The following TMEM87A variants were observed in gnomAD, a reference collection of about 807,000 sequenced individuals.
TMEM87A encodes Golgi-pH regulating cation channel.
In TMEM87A, 50 loss-of-function variants were observed where a neutral mutation model predicts 90.0. That is an observed-to-expected ratio of 0.56 (90% CI 0.44 to 0.70). TMEM87A has a LOEUF of 0.70. TMEM87A is among the 30% of genes least tolerant of loss of function. TMEM87A has a pLI of 0.00. For synonymous variants in TMEM87A, 226 were observed against 226.7 expected, an observed-to-expected ratio of 1.00 and a Z score of 0.03; for missense variants, 577 against 660.5, an observed-to-expected ratio of 0.87 and a Z score of 1.39.
chr15:42,243,210 G>C (rs994476029), intron 7 of TMEM87A, among the ~76,000 whole-genome samples: 1 of 151,934 alleles, frequency 6.6e-6, no homozygotes, highest in East Asian at 1.9e-4. Context: ...GGAGCTTGCA[G>C]TGAGCCGAGA....
intron 2 of TMEM87A, among the ~76,000 whole-genome samples, chr15:42,269,632 T>C (rs2051473233): frequency 1.3e-5 from 2 of 152,204 alleles, no homozygotes; most frequent in South Asian, 4.1e-4. Flanking sequence ...GAACTTTAAA[T>C]GAAAGGCTTT....
At chr15:42,228,631 T>C (rs1712417) in intron 13 of TMEM87A, 81 bp downstream of exon 13, 1,152,621 of 1,177,028 alleles carry the variant, frequency 0.98, 565,563 homozygotes, top group Non-Finnish European at 1. Flanking sequence ...ACTTTCTATG[T>C]CCACCCATGG....
chr15:42,228,631 T>A (rs1712417), intron 13 of TMEM87A, 81 bp downstream of exon 13: 2 of 1,177,118 alleles, frequency 1.7e-6, no homozygotes, highest in Non-Finnish European at 2.5e-6. Flanking sequence ...ACTTTCTATG[T>A]CCACCCATGG....
At chr15:42,258,657 C>A in intron 6 of TMEM87A, 1 of 1,042,498 alleles carries the variant, frequency 9.6e-7, no homozygotes, top group Non-Finnish European at 1.2e-6. Context: ...GAACTCCCAA[C>A]CTCAAGTCAT....
At chr15:42,217,706 A>G (rs1464105534) in intron 19 of TMEM87A, 97 bp downstream of exon 19, 2 of 1,216,478 alleles carry the variant, frequency 1.6e-6, no homozygotes, top group African/African-American at 3.0e-5. Context: ...TCAGGCCACT[A>G]CTGAGTCAAA....
chr15:42,227,047 T>C (rs2050608742), intron 14 of TMEM87A, 138 bp from the exon 15 acceptor site: 3 of 733,194 alleles, frequency 4.1e-6, no homozygotes, highest in Non-Finnish European at 2.2e-6. Context: ...TGCTCAGTAC[T>C]GTGGTAAGTG....
At chr15:42,227,012 T>A in intron 14 of TMEM87A, 103 bp from the exon 15 acceptor site, 2 of 1,090,404 alleles carry the variant, frequency 1.8e-6, no homozygotes, top group Middle Eastern at 2.5e-4. Flanking sequence ...TTCATTCAAG[T>A]TATGTTTACT....
chr15:42,245,906 T>G (rs546856658), intron 6 of TMEM87A, among the ~76,000 whole-genome samples: 1 of 152,290 alleles, frequency 6.6e-6, no homozygotes, highest in South Asian at 2.1e-4. Context: ...TAAGGTAAAT[T>G]TTACACAACA....
At position 42,238,072 on chromosome 15, in the gene TMEM87A, GCTCT is replaced by G. The variant is rs201524136; in HGVS notation, c.685-461_685-458del. 4.1e-3 allele frequency among the ~76,000 whole-genome samples: 625 copies of G among 151,902 alleles called. 2 individuals carry two copies. Among genetic ancestry groups the G allele is most frequent in the Middle Eastern group, 0.017 (5 of 294 alleles). On this transcript the variant is annotated intron_variant, in intron 8 of 19. Transcript: ENST00000389834. ...CACATATGTATACCATATAAAAGGT[GCTCT>G]CTATTATACACACAGACACATATAT...
intron 6 of TMEM87A, among the ~76,000 whole-genome samples, chr15:42,255,608 A>G (rs551031969): frequency 1.3e-5 from 2 of 152,152 alleles, no homozygotes; most frequent in African/African-American, 4.8e-5. Context: ...AAACTGCTCT[A>G]AACAATAAAC....
intron 6 of TMEM87A, among the ~76,000 whole-genome samples, chr15:42,252,154 C>T (rs975537467): frequency 3.9e-5 from 6 of 152,208 alleles, no homozygotes; most frequent in Admixed American, 2.0e-4. Flanking sequence ...CAGTCTGTCA[C>T]GGCTTCCCTT....
chr15:42,258,686 C>G, intron 6 of TMEM87A: 1 of 1,194,616 alleles, frequency 8.4e-7, no homozygotes, highest in Non-Finnish European at 1.0e-6. Context: ...CTTGGCCTCC[C>G]AAAGTGTTGG....
At chr15:42,258,435 CTTTT>C in intron 6 of TMEM87A, 5 of 620,308 alleles carry the variant, frequency 8.1e-6, no homozygotes, top group Non-Finnish European at 1.0e-5. Context: ...TATCTTTTTT[CTTTT>C]TTTTTTGAGA....
chr15:42,227,963 T>C (rs1185789562), intron 13 of TMEM87A, among the ~76,000 whole-genome samples, 194 bp from the exon 14 acceptor site: 1 of 152,220 alleles, frequency 6.6e-6, no homozygotes, highest in Non-Finnish European at 1.5e-5. Flanking sequence ...TCATGATACA[T>C]ACTCTGGCCA....
intron 19 of TMEM87A, among the ~76,000 whole-genome samples, chr15:42,213,877 T>A (rs551080675): frequency 6.6e-6 from 1 of 152,002 alleles, no homozygotes; most frequent in African/African-American, 2.4e-5. Context: ...AGGAAGAAGA[T>A]AAATCTCTGG....
At chr15:42,266,069 T>C (rs1181527789) in intron 3 of TMEM87A, among the ~76,000 whole-genome samples, 7 of 152,168 alleles carry the variant, frequency 4.6e-5, no homozygotes, top group Admixed American at 4.6e-4. Context: ...TCATTGGTCT[T>C]TGTGTCTGTT....
intron 6 of TMEM87A, among the ~76,000 whole-genome samples, chr15:42,248,349 C>T (rs540799219): frequency 4.6e-5 from 7 of 152,272 alleles, no homozygotes; most frequent in African/African-American, 1.4e-4. Context: ...GAGGACATCC[C>T]TGTCTTCTGC....
rs933391904 is a variant in TMEM87A at position 42,257,412 on chromosome 15, A to G, written c.504+3546T>C. ...CAGGCTCCCCCCTTCACCTTCCACC[A>G]TGAGTAGAAACAGCCTGAAGCCCTC... is the stretch of plus-strand genomic sequence containing the variant. On this transcript the variant is annotated intron_variant, in intron 6 of 19. Transcript: ENST00000389834. Among the ~76,000 whole-genome samples the G allele has an allele frequency of 3.3e-5, 5 of 152,098 alleles. No homozygotes were observed. In the East Asian group the frequency reaches 9.6e-4, roughly 29 times the overall value.
Position 42,243,003 on chromosome 15 carries a change from A to G in TMEM87A, c.622+1047T>C, listed in dbSNP as rs1018538250. ...AGGAAAGGGCCAGGCACGGCGGCTC[A>G]CCCCTGTAATCCCAGCACTTTGGGA... On this transcript the variant is annotated intron_variant, in intron 7 of 19. Transcript: ENST00000389834. 9.8e-4 allele frequency among the ~76,000 whole-genome samples: 150 copies of G among 152,286 alleles called. 1 individual carries two copies. Among genetic ancestry groups the G allele is most frequent in the African/African-American group, 3.4e-3 (141 of 41,554 alleles).
Sources: allele counts gnomAD v4.1 joint callset (sites outside exome capture counted in the v4.1 genomes callset), GRCh38; gene constraint gnomAD v4.1.1; transcripts MANE v1.5; gene names NCBI Gene and HGNC (gene_info 2026-07-23, HGNC 2026-07-21).